RAPGEF4: variants seen among roughly 807,000 people sequenced by gnomAD.
The protein encoded by RAPGEF4 is Rap guanine nucleotide exchange factor 4, also known as RAP guanine-nucleotide-exchange factor (GEF) 4.
Under a neutral mutation model 147.9 loss-of-function variants are expected in RAPGEF4, and 66 were observed. That is an observed-to-expected ratio of 0.45 (90% CI 0.37 to 0.55). RAPGEF4 has a LOEUF of 0.55. Among genes scored for constraint, RAPGEF4 ranks in the 20% least tolerant of loss-of-function variants. The probability of loss-of-function intolerance (pLI) is 0.00; values close to 1 mark genes in which losing one functional copy is unlikely to be tolerated. For synonymous variants in RAPGEF4, 419 were observed against 442.7 expected (o/e 0.95, Z 0.67); for missense variants, 1,071 against 1,257.3 (o/e 0.85, Z 2.24).
At chr2:173,010,103 T>G (rs1694866478) in intron 17 of RAPGEF4, among the ~76,000 whole-genome samples, 1 of 152,224 alleles carries the variant, frequency 6.6e-6, no homozygotes, top group Non-Finnish European at 1.5e-5. Context: ...TGCCTCAGTT[T>G]TCTTACCTCT....
chr2:172,851,946 G>C (rs1419516868), intron 4 of RAPGEF4, among the ~76,000 whole-genome samples: 1 of 152,094 alleles, frequency 6.6e-6, no homozygotes, highest in Non-Finnish European at 1.5e-5. Context: ...ATGTACCCCT[G>C]AAACTAAAAT....
intron 6 of RAPGEF4, among the ~76,000 whole-genome samples, chr2:172,954,656 T>C (rs899859068): frequency 6.6e-6 from 1 of 152,226 alleles, no homozygotes; most frequent in Non-Finnish European, 1.5e-5. Flanking sequence ...ATGACATTGA[T>C]GATAACTATT....
At chr2:172,761,501 C>T (rs1387885086) in intron 1 of RAPGEF4, among the ~76,000 whole-genome samples, 1 of 152,024 alleles carries the variant, frequency 6.6e-6, no homozygotes, top group Non-Finnish European at 1.5e-5. Context: ...GAATTCTATA[C>T]CCAGTGAAAA....
At chr2:172,930,690 G>T (rs1012651467) in intron 6 of RAPGEF4, among the ~76,000 whole-genome samples, 7 of 152,224 alleles carry the variant, frequency 4.6e-5, no homozygotes, top group Non-Finnish European at 1.0e-4. Flanking sequence ...GAATGTTTTT[G>T]ATTTGATTCC....
intron 10 of RAPGEF4, among the ~76,000 whole-genome samples, chr2:172,970,603 C>T (rs994463750): frequency 1.3e-5 from 2 of 151,964 alleles, no homozygotes; most frequent in African/African-American, 4.8e-5. Context: ...TTGAAAGGTA[C>T]TTCCTATTGT....
chr2:172,990,976 C>T (rs1452104537), intron 15 of RAPGEF4, 51 bp downstream of exon 15: 1 of 1,330,072 alleles, frequency 7.5e-7, no homozygotes, highest in Non-Finnish European at 1.1e-6. Flanking sequence ...AACCTTTTCA[C>T]ATGGTATCAT....
intron 10 of RAPGEF4, among the ~76,000 whole-genome samples, chr2:172,974,314 G>A (rs1690827972): frequency 6.6e-6 from 1 of 152,192 alleles, no homozygotes; most frequent in Admixed American, 6.5e-5. Context: ...ATCGTCCAAA[G>A]GGGCTTCAGA....
chr2:172,875,928 T>C (rs1274820481), intron 4 of RAPGEF4, among the ~76,000 whole-genome samples: 1 of 152,184 alleles, frequency 6.6e-6, no homozygotes, highest in Non-Finnish European at 1.5e-5. Context: ...CCTTGAGCAG[T>C]GGTTTGTAGT....
intron 4 of RAPGEF4, among the ~76,000 whole-genome samples, chr2:172,845,133 A>G (rs1286786148): frequency 6.6e-6 from 1 of 152,212 alleles, no homozygotes; most frequent in Non-Finnish European, 1.5e-5. Flanking sequence ...GACCTAGGGC[A>G]TTTGCAATAG....
intron 1 of RAPGEF4, among the ~76,000 whole-genome samples, chr2:172,752,170 A>G (rs1448750430): frequency 1.6e-5 from 1 of 63,874 alleles, no homozygotes; most frequent in Non-Finnish European, 4.1e-5. Flanking sequence ...CATCCTACCC[A>G]TGGAATTTTG....
chr2:172,973,597 G>A (rs1690746007), intron 10 of RAPGEF4, among the ~76,000 whole-genome samples: 1 of 152,204 alleles, frequency 6.6e-6, no homozygotes, highest in Admixed American at 6.5e-5. Context: ...AGATGCAGCT[G>A]GAGAGTTAGG....
chr2:172,849,881 G>T (rs1457974990), intron 4 of RAPGEF4, among the ~76,000 whole-genome samples: 1 of 152,220 alleles, frequency 6.6e-6, no homozygotes, highest in Non-Finnish European at 1.5e-5. Flanking sequence ...GTGATGGATT[G>T]TCCTTGGTCC....
intron 4 of RAPGEF4, among the ~76,000 whole-genome samples, chr2:172,853,336 A>G (rs1693068423): frequency 6.6e-6 from 1 of 152,006 alleles, no homozygotes; most frequent in Non-Finnish European, 1.5e-5. Context: ...AAAGATTTTT[A>G]ATTTCATCTT....
chr2:172,887,247 G>A (rs1697345805), intron 4 of RAPGEF4, among the ~76,000 whole-genome samples: 1 of 151,634 alleles, frequency 6.6e-6, no homozygotes, highest in Admixed American at 6.6e-5. Flanking sequence ...GTATAGTGAA[G>A]TAAAGAAAGA....
intron 3 of RAPGEF4, among the ~76,000 whole-genome samples, chr2:172,808,003 CT>C (rs1282768046): frequency 1.3e-5 from 2 of 152,192 alleles, no homozygotes; most frequent in African/African-American, 2.4e-5. Flanking sequence ...ATTCTTATGT[CT>C]GTTTAATTGA....
intron 3 of RAPGEF4, among the ~76,000 whole-genome samples, chr2:172,801,414 G>A (rs565420418): frequency 1.3e-3 from 191 of 152,310 alleles, no homozygotes; most frequent in Non-Finnish European, 1.9e-3. Flanking sequence ...CTGAGAGCCA[G>A]AGGGATGTAG....
chr2:172,887,287 A>G (rs1697350761), intron 4 of RAPGEF4, among the ~76,000 whole-genome samples: 1 of 152,228 alleles, frequency 6.6e-6, no homozygotes, highest in African/African-American at 2.4e-5. Flanking sequence ...GATACAGGGT[A>G]TGAAAATATC....
intron 10 of RAPGEF4, among the ~76,000 whole-genome samples, chr2:172,977,045 T>C (rs922438027): frequency 3.3e-5 from 5 of 152,210 alleles, no homozygotes; most frequent in Non-Finnish European, 4.4e-5. Flanking sequence ...CCCTGTGTCA[T>C]CTGGAGAAGG....
At chr2:172,935,753 C>T (rs1686497036) in intron 6 of RAPGEF4, among the ~76,000 whole-genome samples, 1 of 152,200 alleles carries the variant, frequency 6.6e-6, no homozygotes, top group Non-Finnish European at 1.5e-5. Context: ...GTCTTCTTAA[C>T]ATATATGATG....
Sources: gnomAD v4.1 joint callset for allele counts (sites outside exome capture counted in the v4.1 genomes callset) on GRCh38, gnomAD v4.1.1 for gene constraint, MANE v1.5 for transcripts, NCBI Gene and HGNC (gene_info 2026-07-23, HGNC 2026-07-21) for gene names.